AGBL1: variants seen among roughly 807,000 people sequenced by gnomAD.
AGBL1 encodes the protein cytosolic carboxypeptidase 4.
In AGBL1, 130 loss-of-function variants were observed where a neutral mutation model predicts 118.9. The observed-to-expected ratio is 1.09, with a 90% CI of 0.95 to 1.26. AGBL1 has a LOEUF of 1.26. Among genes scored for constraint, AGBL1 ranks in the 50% most tolerant of loss-of-function variants. The probability of loss-of-function intolerance (pLI) is 0.00; values close to 1 mark genes in which losing one functional copy is unlikely to be tolerated. For synonymous variants in AGBL1, 555 were observed against 478.9 expected, an observed-to-expected ratio of 1.16 and a Z score of -2.08; for missense variants, 1,584 against 1,298.1, an observed-to-expected ratio of 1.22 and a Z score of -3.38.
chr15:86,645,111 C>T (rs375296153), intron 21 of AGBL1, among the ~76,000 whole-genome samples: 2 of 152,018 alleles, frequency 1.3e-5, no homozygotes, highest in African/African-American at 4.8e-5. Flanking sequence ...AATTGAATAT[C>T]AACATGTTAA....
intron 3 of AGBL1, among the ~76,000 whole-genome samples, chr15:86,146,472 G>A (rs150348169): frequency 2.6e-5 from 4 of 152,314 alleles, no homozygotes; most frequent in African/African-American, 4.8e-5. Context: ...CCAATCCCAC[G>A]TGGACACTGA....
intron 22 of AGBL1, among the ~76,000 whole-genome samples, chr15:86,815,802 T>C (rs2078850238): frequency 6.6e-6 from 1 of 152,118 alleles, no homozygotes; most frequent in African/African-American, 2.4e-5. Context: ...ATGGAGACTA[T>C]GAATCACCTT....
At chr15:86,682,786 AT>A (rs2010270927) in intron 22 of AGBL1, among the ~76,000 whole-genome samples, 1 of 152,176 alleles carries the variant, frequency 6.6e-6, no homozygotes, top group South Asian at 2.1e-4. Context: ...TAAGATAATA[AT>A]AAAGCAAACA....
At chr15:87,029,989 G>A (rs550516367), downstream of AGBL1, among the ~76,000 whole-genome samples, 2 of 151,786 alleles carry the variant, frequency 1.3e-5, no homozygotes, top group Non-Finnish European at 2.9e-5. Flanking sequence ...AAATTTCATT[G>A]ATTCTTTTTG....
At position 86,619,596 on chromosome 15, in the gene AGBL1, A is replaced by G. The variant is rs377090258; in HGVS notation, c.2995-54677A>G. Among the ~76,000 whole-genome samples, 212 of 152,274 alleles carry G rather than the reference A, an allele frequency of 1.4e-3. 1 individual carries two copies. Among genetic ancestry groups the G allele is most frequent in the Middle Eastern group, 0.014 (4 of 292 alleles). ...AGACGCTGCTGGTCAGTGCAGTCCT[A>G]TGAGATGGGCTGTGCGGTGGGGGTG... is the stretch of plus-strand genomic sequence containing the variant. On this transcript the variant is annotated intron_variant, in intron 21 of 22. Coordinates refer to ENST00000614907, the MANE Select transcript of AGBL1 (RefSeq NM_001386094.1).
chr15:86,907,007 T>C (rs576022777), intron 22 of AGBL1, 80 bp from the exon 23 acceptor site: 1 of 152,392 alleles, frequency 6.6e-6, no homozygotes, highest in African/African-American at 2.4e-5. Context: ...TCCTTCTACT[T>C]CCCTTTCCCT....
intron 24 of AGBL1, among the ~76,000 whole-genome samples, chr15:86,995,029 G>C (rs145746597): frequency 6.6e-6 from 1 of 152,224 alleles, no homozygotes; most frequent in East Asian, 1.9e-4. Context: ...TGGAGACCGT[G>C]TTACATTATT....
intron 21 of AGBL1, among the ~76,000 whole-genome samples, chr15:86,649,578 G>A (rs942435047): frequency 2.6e-5 from 4 of 152,074 alleles, no homozygotes; most frequent in African/African-American, 7.2e-5. Flanking sequence ...GAGAATATAT[G>A]CAAATATGTG....
intron 21 of AGBL1, among the ~76,000 whole-genome samples, chr15:86,626,809 G>A (rs1030361201): frequency 3.3e-5 from 5 of 149,626 alleles, no homozygotes; most frequent in African/African-American, 1.2e-4. Flanking sequence ...GGACAATGGA[G>A]AACCAATACA....
intron 21 of AGBL1, among the ~76,000 whole-genome samples, chr15:86,624,320 C>G (rs970486366): frequency 1.3e-5 from 2 of 152,208 alleles, no homozygotes; most frequent in African/African-American, 2.4e-5. Flanking sequence ...TGTAATACAA[C>G]AGCATGTGAC....
intron 6 of AGBL1, among the ~76,000 whole-genome samples, chr15:86,238,464 T>TA (rs2078589227): frequency 6.6e-6 from 1 of 152,260 alleles, no homozygotes; most frequent in Non-Finnish European, 1.5e-5. Context: ...CAAAGGCCTG[T>TA]ATGTTTATTT....
chr15:86,123,531 C>G (rs181814093), intron 1 of AGBL1, among the ~76,000 whole-genome samples: 1 of 152,242 alleles, frequency 6.6e-6, no homozygotes, highest in African/African-American at 2.4e-5. Flanking sequence ...TGAGATACCA[C>G]GCCCACCCCG....
At chr15:86,749,448 A>G (rs1184403853) in intron 22 of AGBL1, among the ~76,000 whole-genome samples, 1 of 152,036 alleles carries the variant, frequency 6.6e-6, no homozygotes, top group Non-Finnish European at 1.5e-5. Flanking sequence ...TAATCATGTC[A>G]TCTGCAAACA....
chr15:87,028,769 C>G, intron 24 of AGBL1: 4 of 1,553,244 alleles, frequency 2.6e-6, no homozygotes, highest in Non-Finnish European at 1.8e-6. Context: ...GTGGCACAAA[C>G]CAGAAGTTAC....
intron 1 of AGBL1, among the ~76,000 whole-genome samples, chr15:86,114,594 G>A (rs1283716354): frequency 6.6e-6 from 1 of 152,150 alleles, no homozygotes; most frequent in Non-Finnish European, 1.5e-5. Context: ...AAAACAAAAA[G>A]AAGTTTGGGA....
At chr15:86,726,926 T>A (rs1476058572) in intron 22 of AGBL1, among the ~76,000 whole-genome samples, 1 of 152,148 alleles carries the variant, frequency 6.6e-6, no homozygotes, top group Non-Finnish European at 1.5e-5. Context: ...AAGGCTACAA[T>A]GAATGGTAGA....
At chr15:86,150,905 A>G (rs2077098718) in intron 3 of AGBL1, among the ~76,000 whole-genome samples, 1 of 152,172 alleles carries the variant, frequency 6.6e-6, no homozygotes, top group Non-Finnish European at 1.5e-5. Flanking sequence ...GCACATCAAA[A>G]AGCTTATCTC....
chr15:86,246,495 G>A (rs76664851), intron 6 of AGBL1, among the ~76,000 whole-genome samples: 5,265 of 152,134 alleles, frequency 0.035, 294 homozygotes, highest in African/African-American at 0.11. Flanking sequence ...TAAAGAAAAC[G>A]CACATGAAGA....
intron 19 of AGBL1, among the ~76,000 whole-genome samples, chr15:86,527,728 G>A (rs149099881): frequency 1.3e-5 from 2 of 152,286 alleles, no homozygotes; most frequent in Admixed American, 6.5e-5. Context: ...ATACTATTCA[G>A]CCATTTGCTT....
Sources: gnomAD v4.1 joint callset for allele counts (sites outside exome capture counted in the v4.1 genomes callset) on GRCh38, gnomAD v4.1.1 for gene constraint, MANE v1.5 for transcripts, NCBI Gene and HGNC (gene_info 2026-07-23, HGNC 2026-07-21) for gene names.